Variants in GTF2F2 observed in about 807,000 individuals in gnomAD.
GTF2F2 encodes general transcription factor IIF subunit 2.
Under a neutral mutation model 42.2 loss-of-function variants are expected in GTF2F2, and 23 were observed. That is an observed-to-expected ratio of 0.55 (90% CI 0.39 to 0.77). The LOEUF (loss-of-function observed/expected upper bound fraction) is 0.77, where lower values mean the gene tolerates loss of function less well. Ranked by LOEUF, GTF2F2 falls within the 30% of genes least tolerant of loss-of-function variation. The pLI, the probability that GTF2F2 is intolerant of heterozygous loss-of-function variation, is 0.00. For missense variants in GTF2F2, 261 were observed against 287.2 expected, an observed-to-expected ratio of 0.91 and a Z score of 0.66; for synonymous variants, 105 against 100.8, an observed-to-expected ratio of 1.04 and a Z score of -0.25.
At chr13:45,173,479 A>C (rs1024520994) in intron 4 of GTF2F2, among the ~76,000 whole-genome samples, 1 of 151,764 alleles carries the variant, frequency 6.6e-6, no homozygotes, top group African/African-American at 2.4e-5. Context: ...TTCCATCACC[A>C]CAAGAATCCC....
intron 4 of GTF2F2, among the ~76,000 whole-genome samples, chr13:45,199,298 T>C (rs1292235584): frequency 2.0e-5 from 3 of 152,258 alleles, no homozygotes; most frequent in Admixed American, 2.0e-4. Flanking sequence ...TAAGGCACTA[T>C]GTGTCAAAAG....
At chr13:45,217,403 A>G (rs1410440380) in intron 5 of GTF2F2, among the ~76,000 whole-genome samples, 2 of 151,698 alleles carry the variant, frequency 1.3e-5, no homozygotes, top group African/African-American at 4.8e-5. Context: ...TACACTTTTT[A>G]AAATAAACCA....
intron 6 of GTF2F2, among the ~76,000 whole-genome samples, chr13:45,257,392 T>G (rs1159984993): frequency 1.3e-5 from 2 of 152,206 alleles, no homozygotes; most frequent in African/African-American, 4.8e-5. Flanking sequence ...GGTCAGCATT[T>G]TCCACAGTAA....
chr13:45,268,689 A>T (rs1876667706), intron 7 of GTF2F2, among the ~76,000 whole-genome samples: 1 of 152,030 alleles, frequency 6.6e-6, no homozygotes, highest in African/African-American at 2.4e-5. Flanking sequence ...TATATATATA[A>T]ATATATCTGT....
chr13:45,274,323 CT>C (rs367793010), intron 7 of GTF2F2, among the ~76,000 whole-genome samples: 152 of 102,428 alleles, frequency 1.5e-3, no homozygotes, highest in East Asian at 6.3e-3. Flanking sequence ...ACAAATTATA[CT>C]TTTTTTTTTT....
intron 4 of GTF2F2, among the ~76,000 whole-genome samples, chr13:45,176,804 T>TG (rs913002044): frequency 2.6e-5 from 4 of 152,126 alleles, no homozygotes; most frequent in Non-Finnish European, 4.4e-5. Flanking sequence ...TCTTTTTTTT[T>TG]GGGGGGGACG....
At chr13:45,169,052 T>C (rs2138142158) in intron 4 of GTF2F2, among the ~76,000 whole-genome samples, 1 of 151,442 alleles carries the variant, frequency 6.6e-6, no homozygotes, top group African/African-American at 2.4e-5. Flanking sequence ...CTGGGATTTC[T>C]CCATGTTGGC....
chr13:45,260,368 GGACT>G (rs1374965286), intron 6 of GTF2F2, among the ~76,000 whole-genome samples: 1 of 152,060 alleles, frequency 6.6e-6, no homozygotes, highest in Non-Finnish European at 1.5e-5. Context: ...TGCACACAAA[GGACT>G]GACCAATTCT....
chr13:45,198,425 C>T (rs1282504672), intron 4 of GTF2F2, among the ~76,000 whole-genome samples: 1 of 152,180 alleles, frequency 6.6e-6, no homozygotes, highest in African/African-American at 2.4e-5. Flanking sequence ...TGATAATTCT[C>T]CTAGACTTAA....
At chr13:45,190,918 T>C (rs911868237) in intron 4 of GTF2F2, among the ~76,000 whole-genome samples, 1 of 148,216 alleles carries the variant, frequency 6.7e-6, no homozygotes, top group African/African-American at 2.6e-5. Flanking sequence ...GTGTGGCAAA[T>C]TGAAATACAA....
intron 5 of GTF2F2, among the ~76,000 whole-genome samples, chr13:45,235,928 C>A (rs17066542): frequency 0.1 from 15,880 of 152,042 alleles, 2,232 homozygotes; most frequent in African/African-American, 0.32. Flanking sequence ...TCTGTATTAA[C>A]CTTTGCTGTA....
intron 4 of GTF2F2, among the ~76,000 whole-genome samples, chr13:45,197,075 A>G (rs1412373356): frequency 6.6e-6 from 1 of 151,764 alleles, no homozygotes; most frequent in Non-Finnish European, 1.5e-5. Context: ...TGCAAAGTTG[A>G]CATGTGTGAT....
chr13:45,277,962 A>G (rs1315433544), intron 7 of GTF2F2, among the ~76,000 whole-genome samples: 1 of 152,222 alleles, frequency 6.6e-6, no homozygotes, highest in East Asian at 1.9e-4. Flanking sequence ...AAGCATTAGT[A>G]GTTGGTGATC....
chr13:45,274,996 C>A (rs1876971626), intron 7 of GTF2F2, among the ~76,000 whole-genome samples: 3 of 152,036 alleles, frequency 2.0e-5, no homozygotes. Context: ...AGAACATTTC[C>A]ATTGCCCTAA....
chr13:45,156,863 A>C (rs578017065), intron 4 of GTF2F2, among the ~76,000 whole-genome samples: 18 of 152,356 alleles, frequency 1.2e-4, no homozygotes, highest in East Asian at 9.6e-4. Context: ...CAGTTCATTA[A>C]TTCAATAAAT....
rs968926297 is a variant in GTF2F2 at position 45,128,979 on chromosome 13, A to G, written c.67-7754A>G. On this transcript the variant is annotated intron_variant, in intron 1 of 7. Coordinates refer to ENST00000340473, the MANE Select transcript of GTF2F2 (RefSeq NM_004128.3). ...TTAAATTTGCCTTAATGTATGATAT[A>G]TAGTTACTTTCCCTTGAAGTGCTTT... is the stretch of plus-strand genomic sequence containing the variant. Among the ~76,000 whole-genome samples, 31 of 152,320 alleles carry G rather than the reference A, an allele frequency of 2.0e-4. No individual in the cohort carries two copies. In the East Asian group the frequency reaches 6.0e-3, roughly 29 times the overall value.
chr13:45,230,165 A>C (rs1449242061), intron 5 of GTF2F2, among the ~76,000 whole-genome samples: 2 of 152,028 alleles, frequency 1.3e-5, no homozygotes, highest in Non-Finnish European at 2.9e-5. Context: ...ACAGTGAGCC[A>C]AGATCGCACC....
At chr13:45,172,931 A>T (rs1012525516) in intron 4 of GTF2F2, among the ~76,000 whole-genome samples, 1 of 152,054 alleles carries the variant, frequency 6.6e-6, no homozygotes, top group African/African-American at 2.4e-5. Flanking sequence ...TTGTTGACCT[A>T]TTCTGAGTCC....
intron 4 of GTF2F2, among the ~76,000 whole-genome samples, chr13:45,190,671 T>C (rs1872580131): frequency 6.6e-6 from 1 of 152,216 alleles, no homozygotes. Flanking sequence ...TATAGTAAAA[T>C]GCTTAATAAA....
Sources: gnomAD v4.1 joint callset for allele counts (sites outside exome capture counted in the v4.1 genomes callset) on GRCh38, gnomAD v4.1.1 for gene constraint, MANE v1.5 for transcripts, NCBI Gene and HGNC (gene_info 2026-07-23, HGNC 2026-07-21) for gene names.